Variants in SLC7A6OS observed in about 807,000 individuals in gnomAD.
SLC7A6OS encodes probable RNA polymerase II nuclear localization protein SLC7A6OS.
Under a neutral mutation model 34.3 loss-of-function variants are expected in SLC7A6OS, and 22 were observed. The ratio of observed to expected loss-of-function variants is 0.64; its 90% confidence interval spans 0.46 to 0.92. The LOEUF is 0.92. Ranked by LOEUF, SLC7A6OS falls within the 40% of genes least tolerant of loss-of-function variation. SLC7A6OS has a pLI of 0.00. For missense variants in SLC7A6OS, 434 were observed against 407.7 expected, an observed-to-expected ratio of 1.06 and a Z score of -0.56; for synonymous variants, 199 against 165.0, an observed-to-expected ratio of 1.21 and a Z score of -1.58.
chr16:68,302,835 G>A (rs2043295249), intron 3 of SLC7A6OS, among the ~76,000 whole-genome samples: 1 of 152,238 alleles, frequency 6.6e-6, no homozygotes, highest in Non-Finnish European at 1.5e-5. Flanking sequence ...GCAGGAGGAA[G>A]GGCCATGCAG....
Position 68,308,425 on chromosome 16 carries a change from C to G in SLC7A6OS, c.471+1910G>C, listed in dbSNP as rs2043341900. On this transcript the variant is annotated intron_variant, in intron 2 of 4. Transcript: ENST00000263997. ...GGTGGATCACCTGAGGTCAGGAGTT[C>G]AAGACCAGCCTGGCCAAGGTGGCGA... Among the ~76,000 whole-genome samples, 4 of 150,952 alleles carry G rather than the reference C, an allele frequency of 2.6e-5. No individual in the cohort carries two copies. In the South Asian group the frequency reaches 8.4e-4, roughly 32 times the overall value.
Position 68,304,199 on chromosome 16 carries a change from C to T in SLC7A6OS, c.505G>A (p.Val169Ile), listed in dbSNP as rs747418833. 6.2e-7 allele frequency: 1 copy of T among 1,614,198 alleles called. No individual in the cohort carries two copies. Among genetic ancestry groups the T allele is most frequent in the Admixed American group, 1.7e-5 (1 of 60,024 alleles). ...SDPDVILCNS[V>I]ELIRERLTVS... ...GTCAATCGCTCACGGATCAACTCTA[C>T]AGAATTGCAGAGGATCACATCTGGG... The change falls in exon 3 of 5, where the codon GTA (valine) becomes ATA (isoleucine). Residue 169 changes from valine (V) to isoleucine (I), a missense_variant. By Grantham distance (29) the Val-to-Ile change is conservative. Transcript: ENST00000263997.
chr16:68,303,603 A>G (rs2043303954), intron 3 of SLC7A6OS: 1 of 162,026 alleles, frequency 6.2e-6, no homozygotes, highest in South Asian at 1.7e-4. Flanking sequence ...AAAAAAAAAG[A>G]ATAATGTCAG....
chr16:68,302,316 T>C (rs1316693194), intron 4 of SLC7A6OS, 65 bp downstream of exon 4: 1 of 1,590,958 alleles, frequency 6.3e-7, no homozygotes, highest in African/African-American at 1.3e-5. Context: ...GATGCACCTG[T>C]CAACTATGCC....
intron 2 of SLC7A6OS, among the ~76,000 whole-genome samples, chr16:68,309,627 G>A (rs1461995474): frequency 6.6e-6 from 1 of 152,210 alleles, no homozygotes; most frequent in Non-Finnish European, 1.5e-5. Context: ...ATAAAGAAAA[G>A]CACTGGATTA....
At chr16:68,307,685 T>C (rs1163460142) in intron 2 of SLC7A6OS, among the ~76,000 whole-genome samples, 6 of 152,044 alleles carry the variant, frequency 3.9e-5, no homozygotes, top group Non-Finnish European at 5.9e-5. Context: ...CTTTTAATCA[T>C]TGCCTTGCCA....
At position 68,310,868 on chromosome 16, in the gene SLC7A6OS, G is replaced by T. The variant is rs374455092; in HGVS notation, c.59C>A (p.Ala20Glu). The T allele has an allele frequency of 8.7e-6, 14 of 1,610,110 alleles. No individual in the cohort carries two copies. In the South Asian group the frequency reaches 1.5e-4, roughly 18 times the overall value. ...RVKRKRSAEP[A>E]EALVLACKRL... ...TTTACAAGCGAGCACAAGAGCCTCC[G>T]CCGGCTCCGCACTGCGCTTCCGCTT... The change falls in exon 1 of 5, where the codon GCG (alanine) becomes GAG (glutamate). Residue 20 changes from alanine to glutamate, a missense_variant. Physicochemically the swap from Ala to Glu is moderately radical, Grantham distance 107. Coordinates refer to ENST00000263997, the MANE Select transcript of SLC7A6OS (RefSeq NM_032178.3).
intron 2 of SLC7A6OS, among the ~76,000 whole-genome samples, chr16:68,304,579 C>T (rs1177625967): frequency 6.6e-6 from 1 of 152,154 alleles, no homozygotes; most frequent in Non-Finnish European, 1.5e-5. Context: ...GCCCCAGCCT[C>T]CCAAAGTGCT....
intron 3 of SLC7A6OS, among the ~76,000 whole-genome samples, 174 bp from the exon 4 acceptor site, chr16:68,302,675 C>A (rs2043293453): frequency 6.6e-6 from 1 of 152,114 alleles, no homozygotes; most frequent in Non-Finnish European, 1.5e-5. Flanking sequence ...AGATAATAGC[C>A]CCCTTCCACT....
intron 3 of SLC7A6OS, 45 bp downstream of exon 3, chr16:68,303,981 G>A: frequency 6.5e-7 from 1 of 1,539,216 alleles, no homozygotes; most frequent in East Asian, 2.2e-5. Context: ...ATTAGATTAA[G>A]AGCTTAGGAT....
chr16:68,303,312 A>C (rs1292531828), intron 3 of SLC7A6OS, among the ~76,000 whole-genome samples: 1 of 149,912 alleles, frequency 6.7e-6, no homozygotes, highest in African/African-American at 2.5e-5. Flanking sequence ...GTGGTGGCTC[A>C]CACCTGTAAT....
At chr16:68,304,568 C>T (rs773906401) in intron 2 of SLC7A6OS, among the ~76,000 whole-genome samples, 8 of 152,074 alleles carry the variant, frequency 5.3e-5, no homozygotes, top group African/African-American at 1.2e-4. Flanking sequence ...GTAATCTGCC[C>T]GCCCCAGCCT....
chr16:68,306,823 TATTCATTC>T (rs3068658), intron 2 of SLC7A6OS, among the ~76,000 whole-genome samples: 29 of 150,352 alleles, frequency 1.9e-4, no homozygotes, highest in East Asian at 4.0e-4. Context: ...TGTCCATGTG[TATTCATTC>T]ATTCATTCAT....
chr16:68,300,907 A>T lies in SLC7A6OS; in HGVS notation c.*368T>A, dbSNP rs2043259325. 1 of 996,526 alleles carries T rather than the reference A, an allele frequency of 1.0e-6. No homozygotes were observed. The highest frequency in any genetic ancestry group is 4.5e-5 in the South Asian group (1 of 22,144). 61.7% of individuals were successfully genotyped at this position (996,526 alleles called of 1,614,324 possible). A position where few individuals can be genotyped will look rare whatever the true frequency, so the allele number is the denominator to read the frequency against. On this transcript the variant is annotated 3_prime_UTR_variant, in exon 5 of 5. Transcript: ENST00000263997. ...CAGCCTGGTGGTATGGCACAGCAGAAGCTTACTGCTAATGAAATGGGAACC... is the reference window on the plus strand; with the variant it reads ...CAGCCTGGTGGTATGGCACAGCAGATGCTTACTGCTAATGAAATGGGAACC...
At chr16:68,305,828 G>A (rs1022360854) in intron 2 of SLC7A6OS, among the ~76,000 whole-genome samples, 1 of 152,200 alleles carries the variant, frequency 6.6e-6, no homozygotes, top group Non-Finnish European at 1.5e-5. Context: ...GGGAAGCCAA[G>A]GTCGGAGGAA....
Position 68,310,618 on chromosome 16 carries a change from G to C in SLC7A6OS, c.193-5C>G, listed in dbSNP as rs893894116. On this transcript the variant is annotated splice_polypyrimidine_tract_variant and splice_region_variant and intron_variant, in intron 1 of 4. Coordinates refer to ENST00000263997, the MANE Select transcript of SLC7A6OS (RefSeq NM_032178.3). ...GAGAGGCTGGACTGGTTCCTCCTAG[G>C]GGGCAACAGGGGACGGAGGCCAGCG... 11 of 1,592,376 alleles carry C rather than the reference G, an allele frequency of 6.9e-6. No individual in the cohort carries two copies. The highest frequency in any genetic ancestry group is 2.7e-5 in the African/African-American group (2 of 74,532).
At chr16:68,302,266 G>T in intron 4 of SLC7A6OS, 115 bp downstream of exon 4, 1 of 1,285,850 alleles carries the variant, frequency 7.8e-7, no homozygotes, top group Non-Finnish European at 1.1e-6. Flanking sequence ...GTTGCGGCTG[G>T]GCTGCTGGCG....
chr16:68,304,866 C>T (rs754111218), intron 2 of SLC7A6OS, among the ~76,000 whole-genome samples: 1 of 152,164 alleles, frequency 6.6e-6, no homozygotes, highest in African/African-American at 2.4e-5. Context: ...GCCTGGCCCA[C>T]ATGGCAAAAC....
chr16:68,310,033 C>G (rs1310253142), intron 2 of SLC7A6OS, among the ~76,000 whole-genome samples: 1 of 152,232 alleles, frequency 6.6e-6, no homozygotes, highest in Non-Finnish European at 1.5e-5. Context: ...ACTCTTCCTG[C>G]TTTGTCTCCC....
Sources: gnomAD v4.1 joint callset for allele counts (sites outside exome capture counted in the v4.1 genomes callset) on GRCh38, gnomAD v4.1.1 for gene constraint, MANE v1.5 for transcripts, NCBI Gene and HGNC (gene_info 2026-07-23, HGNC 2026-07-21) for gene names.